Variants in NEDD4L observed in about 807,000 individuals in gnomAD.
NEDD4L encodes the protein E3 ubiquitin-protein ligase NEDD4-like.
A neutral mutation model predicts 148.9 loss-of-function variants in NEDD4L; 54 were observed. That is an observed-to-expected ratio of 0.36 (90% CI 0.29 to 0.45). The LOEUF (loss-of-function observed/expected upper bound fraction) is 0.45. Ranked by LOEUF, NEDD4L falls within the 20% of genes least tolerant of loss-of-function variation. The pLI, the probability that NEDD4L is intolerant of heterozygous loss-of-function variation, is 1.00. For synonymous variants in NEDD4L, 433 were observed against 440.7 expected (o/e 0.98, Z 0.22); for missense variants, 856 against 1,233.8 (o/e 0.69, Z 4.59).
At chr18:58,145,127 C>T (rs891107350) in intron 1 of NEDD4L, among the ~76,000 whole-genome samples, 6 of 152,182 alleles carry the variant, frequency 3.9e-5, no homozygotes, top group African/African-American at 1.2e-4. Context: ...ACTGCCGATG[C>T]TGGGACGGTG....
intron 5 of NEDD4L, among the ~76,000 whole-genome samples, chr18:58,275,346 A>T (rs2051733328): frequency 6.6e-6 from 1 of 152,186 alleles, no homozygotes; most frequent in African/African-American, 2.4e-5. Flanking sequence ...CAGGTGACAG[A>T]GGTAGAAAAT....
chr18:58,366,521 C>T lies in NEDD4L; in HGVS notation c.2063+293C>T. ...AGGAACAGGAGGCGATTTTCATTTG[C>T]AGTGTTCAAGAGGAGGACTTGTCAG... On this transcript the variant is annotated intron_variant, in intron 21 of 30. Coordinates refer to ENST00000400345, the MANE Select transcript of NEDD4L (RefSeq NM_001144967.3). This position sits in a 1 kb window ranked among gnomAD's most constrained non-coding sequence, Gnocchi z 4.2. 3.6e-6 allele frequency: 1 copy of T among 277,932 alleles called. No individual in the cohort carries two copies. The highest frequency in any genetic ancestry group is 6.7e-6 in the Non-Finnish European group (1 of 148,956). 17.2% of individuals were successfully genotyped at this position (277,932 alleles called of 1,614,324 possible).
intron 2 of NEDD4L, 46 bp downstream of exon 2, chr18:58,165,907 C>A: frequency 6.7e-7 from 1 of 1,490,634 alleles, no homozygotes; most frequent in Non-Finnish European, 9.2e-7. Flanking sequence ...GAAAAATTGA[C>A]AAGCAGTTTT....
intron 1 of NEDD4L, among the ~76,000 whole-genome samples, chr18:58,094,979 C>G (rs970231732): frequency 1.3e-5 from 2 of 151,938 alleles, no homozygotes; most frequent in African/African-American, 4.8e-5. Flanking sequence ...GTCATTAGCC[C>G]TTTGCTCACC....
At chr18:58,383,692 T>C (rs1242989113) in intron 25 of NEDD4L, among the ~76,000 whole-genome samples, 1 of 152,200 alleles carries the variant, frequency 6.6e-6, no homozygotes, top group African/African-American at 2.4e-5. Context: ...AAAAAATATT[T>C]TGTCTCTCTC....
At chr18:58,300,051 C>CATAT (rs1231302008) in intron 5 of NEDD4L, among the ~76,000 whole-genome samples, 10 of 152,172 alleles carry the variant, frequency 6.6e-5, no homozygotes, top group African/African-American at 2.4e-4. Context: ...AGAGACTGTA[C>CATAT]ATATTGTCAT....
rs78360969 is a variant in NEDD4L at position 58,370,284 on chromosome 18, A to G, written c.2186-113A>G. The G allele has an allele frequency of 1.3e-3, 911 of 706,094 alleles. 9 individuals carry two copies. In the African/African-American group the frequency reaches 0.015, roughly 12 times the overall value. 43.7% of individuals were successfully genotyped at this position (706,094 alleles called of 1,614,324 possible). On this transcript the variant is annotated intron_variant, in intron 22 of 30. Coordinates refer to ENST00000400345, the MANE Select transcript of NEDD4L (RefSeq NM_001144967.3). The stretch of plus-strand genomic sequence containing the variant: ...GCAATACTGTAGAAGGCCCTTGGTT[A>G]CTCCTTCATGGTTTCTCATTTACAT...
At chr18:58,382,091 A>G (rs1245769303) in intron 24 of NEDD4L, among the ~76,000 whole-genome samples, 1 of 152,258 alleles carries the variant, frequency 6.6e-6, no homozygotes, top group Non-Finnish European at 1.5e-5. Context: ...CTGAATAAAG[A>G]GAAAAAGAGA....
intron 1 of NEDD4L, among the ~76,000 whole-genome samples, chr18:58,081,416 C>T (rs1446594626): frequency 3.3e-5 from 5 of 151,828 alleles, no homozygotes; most frequent in Admixed American, 1.3e-4. Context: ...GGGGTTTCAC[C>T]GTGTTAGCCA....
intron 5 of NEDD4L, among the ~76,000 whole-genome samples, chr18:58,280,596 G>A (rs2052905137): frequency 6.6e-6 from 1 of 152,328 alleles, no homozygotes. Context: ...CATGGAGCCT[G>A]TCGAGGAAGC....
intron 16 of NEDD4L, among the ~76,000 whole-genome samples, 165 bp downstream of exon 16, chr18:58,343,268 G>A (rs888509711): frequency 6.6e-6 from 1 of 151,680 alleles, no homozygotes; most frequent in Non-Finnish European, 1.5e-5. Context: ...AAATGGGCGG[G>A]TGGGAGTGGG....
In NEDD4L at chr18:58,330,855, C is replaced by G. The variant is rs2059731795; in HGVS notation, c.931C>G (p.Leu311Val). ...RTSPQELSEE[L>V]SRRLQITPDS... Reference sequence around the variant, plus strand: ...CAGCCCTCAGGAGCTGTCAGAGGAACTAAGCAGAAGGCTTCAGATCACTCC... The same window carrying G: ...CAGCCCTCAGGAGCTGTCAGAGGAAGTAAGCAGAAGGCTTCAGATCACTCC... Residue 311 changes from leucine (L) to valine (V), a missense_variant, in exon 11 of 31, where the codon CTA becomes GTA. Physicochemically the swap from Leu to Val is conservative, Grantham distance 32. Around this residue, in one of 4 missense-constraint regions of NEDD4L, gnomAD observed 367 missense variants for 422.7 expected, o/e 0.87. Coordinates refer to ENST00000400345, the MANE Select transcript of NEDD4L (RefSeq NM_001144967.3). 1.2e-6 allele frequency: 2 copies of G among 1,613,876 alleles called. No individual in the cohort carries two copies. Among genetic ancestry groups the G allele is most frequent in the African/African-American group, 1.3e-5 (1 of 74,936 alleles).
intron 2 of NEDD4L, among the ~76,000 whole-genome samples, chr18:58,239,062 C>A (rs1289216051): frequency 1.3e-5 from 2 of 152,142 alleles, no homozygotes; most frequent in Admixed American, 1.3e-4. Flanking sequence ...AATGAGGAAA[C>A]CTTCAACAAA....
At chr18:58,045,902 C>T (rs1183793260) in intron 1 of NEDD4L, 2 of 152,160 alleles carry the variant, frequency 1.3e-5, no homozygotes, top group Non-Finnish European at 2.9e-5. Context: ...CCCTCTTTCT[C>T]TCGTGTTGGG....
At chr18:58,119,882 G>T (rs1435214157) in intron 1 of NEDD4L, among the ~76,000 whole-genome samples, 4 of 152,190 alleles carry the variant, frequency 2.6e-5, no homozygotes, top group African/African-American at 9.7e-5. Flanking sequence ...TGCCCGGGTG[G>T]TTCTCATAGC....
chr18:58,184,776 A>C (rs1008380990), intron 2 of NEDD4L, among the ~76,000 whole-genome samples: 3 of 152,004 alleles, frequency 2.0e-5, no homozygotes, highest in African/African-American at 4.8e-5. Flanking sequence ...AAAATACAAA[A>C]AATTAGCTGG....
At chr18:58,102,315 C>G (rs1428514601) in intron 1 of NEDD4L, among the ~76,000 whole-genome samples, 2 of 152,154 alleles carry the variant, frequency 1.3e-5, no homozygotes, top group African/African-American at 4.8e-5. Flanking sequence ...GATTAAAAAT[C>G]AACTTTTAAC....
intron 1 of NEDD4L, chr18:58,046,411 T>TGGGGGGTG (rs11394157): frequency 2.1e-5 from 3 of 145,394 alleles, no homozygotes; most frequent in African/African-American, 5.1e-5. Flanking sequence ...TTGTGGGGGG[T>TGGGGGGTG]GGGGGTGAGG....
rs1183677901 is a variant in NEDD4L at position 58,396,309 on chromosome 18, T to G, written c.*40T>G. 5 of 1,373,468 alleles carry G rather than the reference T, an allele frequency of 3.6e-6. No individual in the cohort carries two copies. Among genetic ancestry groups the G allele is most frequent in the Non-Finnish European group, 4.1e-6 (4 of 970,126 alleles). 85.1% of individuals were successfully genotyped at this position (1,373,468 alleles called of 1,614,324 possible). A position where few individuals can be genotyped will look rare whatever the true frequency, so the allele number is the denominator to read the frequency against. On this transcript the variant is annotated 3_prime_UTR_variant, in exon 31 of 31. Coordinates refer to ENST00000400345, the MANE Select transcript of NEDD4L (RefSeq NM_001144967.3). ...GGGGGTGGTTGTTCTTCAAGCAAGT[T>G]CTGCTTGCACTTTTGCATTTGCCTA... is the stretch of plus-strand genomic sequence containing the variant.
Sources: gnomAD v4.1 joint callset for allele counts (sites outside exome capture counted in the v4.1 genomes callset) on GRCh38, gnomAD v4.1.1 for gene constraint, gnomAD v4.1.1 regional missense constraint, Gnocchi (gnomAD v3.1) non-coding constraint, MANE v1.5 for transcripts, NCBI Gene and HGNC (gene_info 2026-07-23, HGNC 2026-07-21) for gene names.